The following CCDC171 variants were observed in gnomAD, a reference collection of about 807,000 sequenced individuals.
CCDC171 encodes the protein coiled-coil domain-containing protein 171.
A neutral mutation model predicts 168.2 loss-of-function variants in CCDC171; 177 were observed. The observed-to-expected ratio is 1.05, with a 90% CI of 0.93 to 1.19. CCDC171 has a LOEUF of 1.19. Ranked by LOEUF, CCDC171 falls within the 50% of genes most tolerant of loss-of-function variation. The pLI is 0.00. For synonymous variants in CCDC171, 687 were observed against 540.8 expected, an observed-to-expected ratio of 1.27 and a Z score of -3.75; for missense variants, 1,991 against 1,539.0, an observed-to-expected ratio of 1.29 and a Z score of -4.91.
intron 24 of CCDC171, among the ~76,000 whole-genome samples, chr9:15,909,084 T>C (rs2987053): frequency 0.84 from 127,600 of 152,138 alleles, 53,675 homozygotes; most frequent in East Asian, 0.96. Flanking sequence ...CAGAGTTATA[T>C]AAGTCTTTAA....
chr9:15,625,007 C>A (rs527916437), intron 7 of CCDC171, among the ~76,000 whole-genome samples: 1 of 152,322 alleles, frequency 6.6e-6, no homozygotes, highest in Admixed American at 6.5e-5. Context: ...GATTGCCATT[C>A]TAACTGGTGT....
intron 7 of CCDC171, among the ~76,000 whole-genome samples, chr9:15,630,945 C>T (rs906470059): frequency 1.1e-4 from 17 of 152,166 alleles, no homozygotes; most frequent in African/African-American, 3.9e-4. Flanking sequence ...GAAATGAAGA[C>T]AGAAATAAAG....
chr9:16,028,545 AACTT>A (rs745815694), intron 6 of CCDC171, among the ~76,000 whole-genome samples: 2 of 152,224 alleles, frequency 1.3e-5, no homozygotes, highest in East Asian at 3.9e-4. Context: ...CTGAAATAAA[AACTT>A]ACTTGTCATC....
At chr9:15,690,911 G>T (rs1421985668) in intron 10 of CCDC171, among the ~76,000 whole-genome samples, 1 of 152,112 alleles carries the variant, frequency 6.6e-6, no homozygotes, top group South Asian at 2.1e-4. Flanking sequence ...TAATTAAAAT[G>T]AAGTAAATGC....
intron 21 of CCDC171, among the ~76,000 whole-genome samples, chr9:15,807,953 C>G (rs190947222): frequency 2.0e-5 from 3 of 151,654 alleles, no homozygotes; most frequent in African/African-American, 4.8e-5. Context: ...TTTTTTTGCC[C>G]TATGCTACTG....
At chr9:15,660,442 T>C (rs1243773182) in intron 8 of CCDC171, among the ~76,000 whole-genome samples, 1 of 152,196 alleles carries the variant, frequency 6.6e-6, no homozygotes, top group Non-Finnish European at 1.5e-5. Flanking sequence ...TAGCACCCAA[T>C]TGTTAATTTT....
At chr9:15,929,836 G>A (rs549503920) in intron 25 of CCDC171, among the ~76,000 whole-genome samples, 37 of 150,296 alleles carry the variant, frequency 2.5e-4, no homozygotes, top group Middle Eastern at 6.8e-3. Flanking sequence ...AGAAACTCAA[G>A]AGTTGTTTTT....
rs528294773 is a variant in CCDC171, at chr9:15,935,806, G to A, written c.3753+15384G>A. On this transcript the variant is annotated intron_variant, in intron 25 of 25. Transcript: ENST00000380701. ...TGTTGTAACATATTTGAAAATTATA[G>A]TAATTTGATTAAAATGTTGCCTATA... 2.6e-5 allele frequency among the ~76,000 whole-genome samples: 4 copies of A among 152,116 alleles called. No individual in the cohort carries two copies. The East Asian group carries it at 7.8e-4, about 30-fold the overall frequency.
At chr9:16,068,285 C>T in the CCDC171 span, among the ~76,000 whole-genome samples, 2 of 151,626 alleles carry the variant, frequency 1.3e-5, no homozygotes, top group African/African-American at 4.9e-5. Flanking sequence ...GAACTACAAA[C>T]CACTGCTCAA....
At chr9:15,792,529 A>C (rs570831580) in intron 21 of CCDC171, among the ~76,000 whole-genome samples, 11 of 152,296 alleles carry the variant, frequency 7.2e-5, no homozygotes, top group African/African-American at 2.6e-4. Flanking sequence ...TGTCAGATTC[A>C]CCAAAGTTGA....
the CCDC171 span, among the ~76,000 whole-genome samples, chr9:16,107,899 A>G: frequency 6.6e-6 from 1 of 152,354 alleles, no homozygotes; most frequent in East Asian, 1.9e-4. Context: ...ATTATAATGT[A>G]GCATATGCCA....
intron 25 of CCDC171, among the ~76,000 whole-genome samples, chr9:15,931,981 C>T (rs1360906707): frequency 2.0e-5 from 3 of 151,808 alleles, no homozygotes; most frequent in South Asian, 2.1e-4. Flanking sequence ...TATGCCAGTA[C>T]CGTGCTGTTT....
At chr9:15,685,235 G>A (rs571209055) in intron 10 of CCDC171, among the ~76,000 whole-genome samples, 165 of 152,166 alleles carry the variant, frequency 1.1e-3, no homozygotes, top group Non-Finnish European at 1.9e-3. Flanking sequence ...CAGCTCAACA[G>A]TTTTGTTTAT....
chr9:15,628,034 C>T (rs533601799), intron 7 of CCDC171, among the ~76,000 whole-genome samples: 1 of 152,072 alleles, frequency 6.6e-6, no homozygotes, highest in African/African-American at 2.4e-5. Flanking sequence ...TAAAAGGTTT[C>T]ACTGGGGAGG....
At chr9:15,578,094 T>C (rs994853142) in intron 3 of CCDC171, among the ~76,000 whole-genome samples, 2 of 152,206 alleles carry the variant, frequency 1.3e-5, no homozygotes, top group African/African-American at 4.8e-5. Flanking sequence ...AGACAATATT[T>C]ATTAAACTAT....
At position 15,712,722 on chromosome 9, in the gene CCDC171, A is replaced by G. The variant is rs569951955; in HGVS notation, c.1319-9047A>G. Among the ~76,000 whole-genome samples the G allele has an allele frequency of 2.0e-5, 3 of 152,272 alleles. No homozygotes were observed. The South Asian group carries it at 6.2e-4, about 32-fold the overall frequency. ...CCAAGTTGCTATCTCATCCTCCCAG[A>G]GGATGGTGTCATATCATGGTCTCAG... On this transcript the variant is annotated intron_variant, in intron 11 of 25. Transcript: ENST00000380701.
intron 3 of CCDC171, among the ~76,000 whole-genome samples, chr9:16,018,805 A>G (rs988740700): frequency 6.6e-6 from 1 of 152,226 alleles, no homozygotes; most frequent in African/African-American, 2.4e-5. Context: ...ACAAAAGGTT[A>G]TGGGGAACCG....
chr9:15,954,669 A>ATTT (rs34479869), intron 25 of CCDC171, among the ~76,000 whole-genome samples: 47,827 of 146,290 alleles, frequency 0.33, 9,613 homozygotes, highest in East Asian at 0.61. Context: ...ATGCTTGTTG[A>ATTT]TTTTTTTTTT....
Position 15,973,307 on chromosome 9 carries a change from A to G in CCDC171, c.*1471A>G, listed in dbSNP as rs1048082822. 1.3e-5 allele frequency: 2 copies of G among 152,008 alleles called. No homozygotes were observed. Among genetic ancestry groups the G allele is most frequent in the African/African-American group, 4.8e-5 (2 of 41,358 alleles). 9.4% of individuals were successfully genotyped at this position (152,008 alleles called of 1,614,324 possible). On this transcript the variant is annotated 3_prime_UTR_variant, in exon 26 of 26. Transcript: ENST00000380701. Reference sequence around the variant, plus strand: ...ACATTAGAGTATAACAGTATGTATTACAGAAGTTTTTTTGTCTTATCTTTA... The same window carrying G: ...ACATTAGAGTATAACAGTATGTATTGCAGAAGTTTTTTTGTCTTATCTTTA...
Sources: allele counts gnomAD v4.1 joint callset (sites outside exome capture counted in the v4.1 genomes callset), GRCh38; gene constraint gnomAD v4.1.1; transcripts MANE v1.5; gene names NCBI Gene and HGNC (gene_info 2026-07-23, HGNC 2026-07-21).